The following NDUFS4 variants were observed in gnomAD, a reference collection of about 807,000 sequenced individuals.
NDUFS4 encodes NADH dehydrogenase [ubiquinone] iron-sulfur protein 4, mitochondrial.
In NDUFS4, 28 loss-of-function variants were observed where a neutral mutation model predicts 24.3. That is an observed-to-expected ratio of 1.15 (90% CI 0.85 to 1.58). The LOEUF is 1.58. Among genes scored for constraint, NDUFS4 ranks in the 40% most tolerant of loss-of-function variants. The pLI is 0.00. For missense variants in NDUFS4, 223 were observed against 207.9 expected, an observed-to-expected ratio of 1.07 and a Z score of -0.45; for synonymous variants, 93 against 69.7, an observed-to-expected ratio of 1.34 and a Z score of -1.67.
At chr5:53,678,180 A>G (rs1740535742) in intron 4 of NDUFS4, among the ~76,000 whole-genome samples, 2 of 152,006 alleles carry the variant, frequency 1.3e-5, no homozygotes, top group African/African-American at 4.8e-5. Flanking sequence ...GTGGAGATCT[A>G]CAAAATAAAC....
intron 1 of NDUFS4, among the ~76,000 whole-genome samples, chr5:53,568,467 AC>A (rs1378334587): frequency 1.3e-5 from 2 of 152,170 alleles, no homozygotes; most frequent in African/African-American, 4.8e-5. Flanking sequence ...ATTTCCAGAA[AC>A]AAAAATTCTT....
intron 2 of NDUFS4, chr5:53,605,002 A>C: frequency 2.5e-6 from 1 of 399,888 alleles, no homozygotes; most frequent in Non-Finnish European, 5.0e-6. Context: ...CGGGTGGATC[A>C]CGAGGTCAGG....
At chr5:53,604,072 TAACA>T (rs1374353915) in intron 2 of NDUFS4, among the ~76,000 whole-genome samples, 3 of 152,172 alleles carry the variant, frequency 2.0e-5, no homozygotes, top group Non-Finnish European at 2.9e-5. Context: ...TGTGAATCAG[TAACA>T]AACAGAATTT....
chr5:53,646,348 A>G lies in NDUFS4; in HGVS notation c.293A>G (p.Lys98Arg), dbSNP rs1270248709. ...GGAGTAAACAACACAAAGAAATGGAAGATGGAGTTTGATACCAGAGAGCGA... is the reference window on the plus strand; with the variant it reads ...GGAGTAAACAACACAAAGAAATGGAGGATGGAGTTTGATACCAGAGAGCGA... ...QSGVNNTKKW[K>R]MEFDTRERWE... The change falls in exon 3 of 5, where the codon AAG becomes AGG. Residue 98 changes from lysine (K) to arginine (R), a missense_variant. Coordinates refer to ENST00000296684, the MANE Select transcript of NDUFS4 (RefSeq NM_002495.4). 3.1e-6 allele frequency: 5 copies of G among 1,613,932 alleles called. No homozygotes were observed. In the South Asian group the frequency reaches 5.5e-5, roughly 18 times the overall value.
intron 2 of NDUFS4, among the ~76,000 whole-genome samples, chr5:53,636,047 ACTTATTATT>A (rs1183997293): frequency 1.3e-5 from 2 of 152,164 alleles, no homozygotes; most frequent in Admixed American, 6.5e-5. Flanking sequence ...CAAATGTTTT[ACTTATTATT>A]TATTTTTTAA....
At chr5:53,594,785 TAAAAC>T (rs1750080019) in intron 1 of NDUFS4, among the ~76,000 whole-genome samples, 1 of 152,094 alleles carries the variant, frequency 6.6e-6, no homozygotes, top group African/African-American at 2.4e-5. Flanking sequence ...CAAAAGTTAT[TAAAAC>T]AAACCTCTTT....
At chr5:53,668,680 C>T (rs1455106246) in intron 4 of NDUFS4, among the ~76,000 whole-genome samples, 2 of 149,872 alleles carry the variant, frequency 1.3e-5, no homozygotes, top group African/African-American at 4.9e-5. Flanking sequence ...AGGCTGGCCT[C>T]GAACTCCTGA....
At chr5:53,661,190 A>C (rs550530085) in intron 4 of NDUFS4, among the ~76,000 whole-genome samples, 76 of 152,302 alleles carry the variant, frequency 5.0e-4, no homozygotes, top group African/African-American at 1.8e-3. Flanking sequence ...AGGTGTAAGG[A>C]AGGGATCCAG....
intron 4 of NDUFS4, among the ~76,000 whole-genome samples, chr5:53,676,965 G>A (rs1740492961): frequency 6.6e-6 from 1 of 152,088 alleles, no homozygotes; most frequent in Non-Finnish European, 1.5e-5. Flanking sequence ...GCTTACTGAC[G>A]TTCCTGGTAT....
chr5:53,580,367 C>T (rs534331033), intron 1 of NDUFS4, among the ~76,000 whole-genome samples: 2 of 152,306 alleles, frequency 1.3e-5, no homozygotes, highest in East Asian at 1.9e-4. Context: ...TAGTGCTAGA[C>T]GACTGGCTTA....
chr5:53,628,675 A>C (rs571969690), intron 2 of NDUFS4, among the ~76,000 whole-genome samples: 2 of 152,148 alleles, frequency 1.3e-5, no homozygotes, highest in African/African-American at 4.8e-5. Context: ...AGAGTTGTCT[A>C]TAGTATTCTC....
In NDUFS4 at chr5:53,683,151, C is replaced by T. The variant is rs746957027; in HGVS notation, c.458C>T (p.Pro153Leu). 6 of 1,611,914 alleles carry T rather than the reference C, an allele frequency of 3.7e-6. No individual in the cohort carries two copies. The South Asian group carries it at 6.6e-5, about 18-fold the overall frequency. ...WSYDIEERKV[P>L]KPKSKSYGAN... The stretch of plus-strand genomic sequence containing the variant: ...TATGACATTGAAGAGAGGAAGGTTC[C>T]AAAACCCAAGTCCAAGTCTTATGGT... Residue 153 changes from proline to leucine, a missense_variant, in exon 5 of 5, where the codon CCA becomes CTA. By Grantham distance (98) the Pro-to-Leu change is moderately conservative. Coordinates refer to ENST00000296684, the MANE Select transcript of NDUFS4 (RefSeq NM_002495.4).
chr5:53,664,388 A>G (rs1752445490), intron 4 of NDUFS4, among the ~76,000 whole-genome samples: 1 of 152,070 alleles, frequency 6.6e-6, no homozygotes, highest in Non-Finnish European at 1.5e-5. Context: ...GCTTTGCTAG[A>G]TTGGGGAAGT....
intron 1 of NDUFS4, among the ~76,000 whole-genome samples, chr5:53,582,934 C>T (rs925197589): frequency 6.6e-6 from 1 of 152,198 alleles, no homozygotes; most frequent in African/African-American, 2.4e-5. Context: ...CGGAGTCTCG[C>T]TCTGTCACCC....
At chr5:53,615,228 A>G (rs1218780274) in intron 2 of NDUFS4, among the ~76,000 whole-genome samples, 1 of 152,008 alleles carries the variant, frequency 6.6e-6, no homozygotes, top group Non-Finnish European at 1.5e-5. Flanking sequence ...TTATAACTCA[A>G]GAATTAATCC....
intron 4 of NDUFS4, among the ~76,000 whole-genome samples, chr5:53,670,768 TAG>T (rs1752644158): frequency 6.6e-6 from 1 of 151,502 alleles, no homozygotes; most frequent in Non-Finnish European, 1.5e-5. Context: ...TACTCTTACC[TAG>T]AATGAATTAA....
In NDUFS4 at chr5:53,683,124, G is replaced by T. The variant is rs757622265; in HGVS notation, c.431G>T (p.Ser144Ile). 6.3e-7 allele frequency: 1 copy of T among 1,595,928 alleles called. No individual in the cohort carries two copies. The highest frequency in any genetic ancestry group is 1.3e-5 in the African/African-American group (1 of 74,386). Residue 144 changes from serine to isoleucine, a missense_variant, in exon 5 of 5, where the codon AGC becomes ATC. Physicochemically the swap from Ser to Ile is moderately radical, Grantham distance 142 (BLOSUM62 -2). Transcript: ENST00000296684. Reference protein sequence around the residue: ...AVSFAEKNGWSYDIEERKVPK... With the variant: ...AVSFAEKNGWIYDIEERKVPK... ...CTTTGTTTTTTCCTCCTAGGATGGA[G>T]CTATGACATTGAAGAGAGGAAGGTT...
At chr5:53,563,070 A>G (rs1473883551) in intron 1 of NDUFS4, among the ~76,000 whole-genome samples, 1 of 152,098 alleles carries the variant, frequency 6.6e-6, no homozygotes, top group Non-Finnish European at 1.5e-5. Flanking sequence ...TCTACTAAAA[A>G]TACAAAAAAT....
chr5:53,670,379 G>A (rs1161230151), intron 4 of NDUFS4, among the ~76,000 whole-genome samples: 2 of 151,634 alleles, frequency 1.3e-5, no homozygotes, highest in Non-Finnish European at 2.9e-5. Context: ...TGTTTAATTC[G>A]AATTTAGATG....
Sources: gnomAD v4.1 joint callset for allele counts (sites outside exome capture counted in the v4.1 genomes callset) on GRCh38, gnomAD v4.1.1 for gene constraint, MANE v1.5 for transcripts, NCBI Gene and HGNC (gene_info 2026-07-23, HGNC 2026-07-21) for gene names.